Variants in PPP2R2B observed in about 807,000 individuals in gnomAD.
PPP2R2B encodes the protein protein phosphatase 2 regulatory subunit Bbeta.
PPP2R2B carries 5 observed loss-of-function variants against 46.0 expected under a neutral mutation model. The ratio of observed to expected loss-of-function variants is 0.11; its 90% CI spans 0.06 to 0.23. The LOEUF is 0.23. PPP2R2B is among the 10% of genes least tolerant of loss of function. The pLI is 1.00. For missense variants in PPP2R2B, 367 were observed against 575.0 expected (o/e 0.64, Z 3.70); for synonymous variants, 215 against 206.7 (o/e 1.04, Z -0.34).
At chr5:146,762,074 C>T (rs747682123) in intron 2 of PPP2R2B, among the ~76,000 whole-genome samples, 1 of 152,188 alleles carries the variant, frequency 6.6e-6, no homozygotes, top group Non-Finnish European at 1.5e-5. Flanking sequence ...TTAAACAGCT[C>T]TGACTCCAAA....
In PPP2R2B at chr5:146,582,985, G is replaced by T. The variant is rs1769974818; in HGVS notation, c.*6962C>A. ...ATTATTTTTCAGATCATGCATTATT[G>T]CCCACTCACCTTACCATGTCTCCTT... On this transcript the variant is annotated 3_prime_UTR_variant, in exon 10 of 10. Coordinates refer to ENST00000394411, the MANE Select transcript of PPP2R2B (RefSeq NM_181675.4). The T allele has an allele frequency of 6.6e-6, 1 of 152,092 alleles. No individual in the cohort carries two copies. Among genetic ancestry groups the T allele is most frequent in the Non-Finnish European group, 1.5e-5 (1 of 68,028 alleles). 9.4% of individuals were successfully genotyped at this position (152,092 alleles called of 1,614,324 possible).
rs1779284643 is a variant in PPP2R2B, at chr5:146,698,030, T to C, written c.283A>G (p.Ile95Val). 2 of 1,613,766 alleles carry C rather than the reference T, an allele frequency of 1.2e-6. No homozygotes were observed. The highest frequency in any genetic ancestry group is 1.7e-6 in the Non-Finnish European group (2 of 1,179,850). The change falls in exon 4 of 10, where the codon ATA (isoleucine) becomes GTA (valine). Residue 95 changes from isoleucine (I) to valine (V), a missense_variant. By Grantham distance (29) the Ile-to-Val change is conservative. Coordinates refer to ENST00000394411, the MANE Select transcript of PPP2R2B (RefSeq NM_181675.4). Reference protein sequence around the residue: ...SLEIEEKINKIRWLPQQNAAY... With the variant: ...SLEIEEKINKVRWLPQQNAAY... ...GCATTCTGCTGGGGGAGCCATCTTA[T>C]TTTATTGATTTTTTCTTCTATTTCT...
At chr5:146,874,574 T>G (rs1761791382) in intron 2 of PPP2R2B, among the ~76,000 whole-genome samples, 1 of 152,204 alleles carries the variant, frequency 6.6e-6, no homozygotes, top group African/African-American at 2.4e-5. Flanking sequence ...TCTATTGTTA[T>G]TCCCACTTTC....
At chr5:147,029,535 T>C (rs768355983) in intron 1 of PPP2R2B, among the ~76,000 whole-genome samples, 2 of 152,210 alleles carry the variant, frequency 1.3e-5, no homozygotes, top group Non-Finnish European at 2.9e-5. Context: ...ATTGATGCTT[T>C]ATAAGATATC....
rs115044665 is a variant in PPP2R2B at position 146,962,012 on chromosome 5, T to C, written c.79+93653A>G. 9.2e-3 allele frequency among the ~76,000 whole-genome samples: 1,381 copies of C among 150,894 alleles called. 21 individuals are homozygous for C. Among genetic ancestry groups the C allele is most frequent in the African/African-American group, 0.032 (1,293 of 40,972 alleles). ...ACACTTTGGCAAAAGCTTATTTAGC[T>C]AGTCTGGGATTAATTTTCTTAACCA... On this transcript the variant is annotated intron_variant, in intron 1 of 8. Transcript: ENST00000336640.
intron 2 of PPP2R2B, among the ~76,000 whole-genome samples, chr5:147,077,305 CACACACCCACA>C: frequency 7.0e-6 from 1 of 143,044 alleles, no homozygotes; most frequent in African/African-American, 2.9e-5. Flanking sequence ...CACACACACA[CACACACCCACA>C]CCCACACCCC....
chr5:146,931,776 T>C, intron 1 of PPP2R2B, among the ~76,000 whole-genome samples: 1 of 152,214 alleles, frequency 6.6e-6, no homozygotes, highest in East Asian at 1.9e-4. Context: ...GCTTTTTCTT[T>C]CCATAACATA....
chr5:146,789,530 C>T (rs1249415936), intron 2 of PPP2R2B, among the ~76,000 whole-genome samples: 1 of 152,008 alleles, frequency 6.6e-6, no homozygotes, highest in Non-Finnish European at 1.5e-5. Flanking sequence ...CTCAAAGGTA[C>T]TTGGAAAACA....
chr5:146,728,107 T>C, intron 2 of PPP2R2B, among the ~76,000 whole-genome samples: 1 of 151,834 alleles, frequency 6.6e-6, no homozygotes, highest in Non-Finnish European at 1.5e-5. Flanking sequence ...ACTTTTAGTT[T>C]CTCTGAATAT....
At chr5:146,620,221 T>C (rs775481269) in intron 7 of PPP2R2B, among the ~76,000 whole-genome samples, 2 of 152,152 alleles carry the variant, frequency 1.3e-5, no homozygotes, top group Non-Finnish European at 2.9e-5. Flanking sequence ...AGCGAAAACC[T>C]GTGTTTGGCT....
intron 5 of PPP2R2B, among the ~76,000 whole-genome samples, chr5:146,654,172 C>T (rs1340509382): frequency 6.6e-6 from 1 of 152,176 alleles, no homozygotes; most frequent in Non-Finnish European, 1.5e-5. Flanking sequence ...ACCCCTGACT[C>T]CCTGCCCCAC....
Position 146,582,895 on chromosome 5 carries a change from T to C in PPP2R2B, c.*7052A>G, listed in dbSNP as rs1738127941. ...GTTTGGAAACCATATTTCCTCATTTTAGTGCCTCATAGCCTGGCTATTGGA... is the reference window on the plus strand; with the variant it reads ...GTTTGGAAACCATATTTCCTCATTTCAGTGCCTCATAGCCTGGCTATTGGA... On this transcript the variant is annotated 3_prime_UTR_variant, in exon 10 of 10. Transcript: ENST00000394411. 6.6e-6 allele frequency: 1 copy of C among 152,248 alleles called. No homozygotes were observed. Among genetic ancestry groups the C allele is most frequent in the Non-Finnish European group, 1.5e-5 (1 of 68,056 alleles). The allele number at this position is 152,248 out of a possible 1,614,324, so 9.4% of individuals were successfully genotyped here. A position where few individuals can be genotyped will look rare whatever the true frequency, so the allele number is the denominator to read the frequency against.
At chr5:146,908,003 G>T (rs1238140898) in intron 1 of PPP2R2B, among the ~76,000 whole-genome samples, 1 of 152,218 alleles carries the variant, frequency 6.6e-6, no homozygotes, top group Non-Finnish European at 1.5e-5. Flanking sequence ...GAGCAGAACA[G>T]CAGCAGCAAT....
At chr5:146,766,609 A>C (rs1241689857) in intron 2 of PPP2R2B, among the ~76,000 whole-genome samples, 1 of 152,226 alleles carries the variant, frequency 6.6e-6, no homozygotes, top group Non-Finnish European at 1.5e-5. Flanking sequence ...TAAGTACTTC[A>C]TGAGGTGATT....
chr5:147,052,769 TGTGA>T (rs1220324495), intron 1 of PPP2R2B, among the ~76,000 whole-genome samples: 1 of 152,072 alleles, frequency 6.6e-6, no homozygotes, highest in East Asian at 1.9e-4. Context: ...AGGTTTTAAA[TGTGA>T]GTGTTTGTGT....
chr5:146,706,994 C>T, intron 2 of PPP2R2B: 1 of 983,676 alleles, frequency 1.0e-6, no homozygotes. Context: ...AGCTCTACCT[C>T]GTTAATGTAA....
At chr5:146,794,559 C>T (rs1252681785) in intron 2 of PPP2R2B, among the ~76,000 whole-genome samples, 1 of 152,108 alleles carries the variant, frequency 6.6e-6, no homozygotes, top group African/African-American at 2.4e-5. Context: ...TTAGTTCTGA[C>T]TAAATAGACA....
At chr5:146,627,977 C>T (rs1488411972) in intron 7 of PPP2R2B, among the ~76,000 whole-genome samples, 1 of 151,792 alleles carries the variant, frequency 6.6e-6, no homozygotes, top group Non-Finnish European at 1.5e-5. Flanking sequence ...TGGAGTCTCG[C>T]TCTATTGCCC....
chr5:146,912,200 C>G (rs1310010015), intron 1 of PPP2R2B, among the ~76,000 whole-genome samples: 1 of 136,250 alleles, frequency 7.3e-6, no homozygotes, highest in African/African-American at 2.9e-5. Flanking sequence ...GATCGCGCCA[C>G]TGCACTCCAG....
Sources: gnomAD v4.1 joint callset for allele counts (sites outside exome capture counted in the v4.1 genomes callset) on GRCh38, gnomAD v4.1.1 for gene constraint, MANE v1.5 for transcripts, NCBI Gene and HGNC (gene_info 2026-07-23, HGNC 2026-07-21) for gene names.